SPECC1: variants seen among roughly 807,000 people sequenced by gnomAD.
SPECC1 encodes the protein cytospin-B.
In SPECC1, 62 loss-of-function variants were observed where a neutral mutation model predicts 104.1. The ratio of observed to expected loss-of-function variants is 0.60; its 90% confidence interval spans 0.49 to 0.74. The LOEUF (loss-of-function observed/expected upper bound fraction) is 0.74, where lower values mean the gene tolerates loss of function less well. Ranked by LOEUF, SPECC1 falls within the 30% of genes least tolerant of loss-of-function variation. SPECC1 has a pLI of 0.00. For synonymous variants in SPECC1, 513 were observed against 501.6 expected (o/e 1.02, Z -0.30); for missense variants, 1,306 against 1,310.5 (o/e 1.00, Z 0.05).
intron 4 of SPECC1, among the ~76,000 whole-genome samples, chr17:20,219,570 G>A (rs1462494161): frequency 6.6e-6 from 1 of 152,052 alleles, no homozygotes; most frequent in East Asian, 1.9e-4. Flanking sequence ...ATATATTCTG[G>A]TTATTAATTC....
chr17:20,292,882 A>G (rs2041220486), intron 12 of SPECC1, among the ~76,000 whole-genome samples: 1 of 152,208 alleles, frequency 6.6e-6, no homozygotes, highest in Non-Finnish European at 1.5e-5. Flanking sequence ...GCTTTCAGCT[A>G]GATACTCCTC....
Position 20,232,231 on chromosome 17 carries a change from C to T in SPECC1, c.2177C>T (p.Ala726Val), listed in dbSNP as rs200795652. 6.2e-6 allele frequency: 10 copies of T among 1,613,972 alleles called. No individual in the cohort carries two copies. In the African/African-American group the frequency reaches 8.0e-5, roughly 13 times the overall value. Reference protein sequence around the residue: ...EETEEWRRFQADLQTAVVVAN... With the variant: ...EETEEWRRFQVDLQTAVVVAN... The stretch of plus-strand genomic sequence containing the variant: ...ACCGAGGAATGGAGGCGGTTCCAGG[C>T]GGATCTGCAGACCGCAGTGGTGGTG... Residue 726 changes from alanine to valine, a missense_variant, in exon 7 of 15, where the codon GCG becomes GTG. Physicochemically the swap from Ala to Val is moderately conservative, Grantham distance 64 (BLOSUM62 0). Around this residue, in one of 2 missense-constraint regions of SPECC1, gnomAD observed 1,177 missense variants for 1,139.9 expected, o/e 1.03. Coordinates refer to ENST00000395527, the MANE Select transcript of SPECC1 (RefSeq NM_001243439.2).
chr17:20,287,253 G>A (rs976413360), intron 12 of SPECC1, among the ~76,000 whole-genome samples: 2 of 151,812 alleles, frequency 1.3e-5, no homozygotes, highest in Non-Finnish European at 2.9e-5. Context: ...CCGTCTCTAC[G>A]AAAAATACAA....
chr17:20,063,485 T>C (rs772169312), intron 1 of SPECC1, among the ~76,000 whole-genome samples: 69 of 152,254 alleles, frequency 4.5e-4, no homozygotes, highest in Admixed American at 1.2e-3. Flanking sequence ...CTTTTCATTT[T>C]ATTAATCTTC....
At chr17:20,104,753 A>G (rs1421750961) in intron 2 of SPECC1, among the ~76,000 whole-genome samples, 1 of 150,590 alleles carries the variant, frequency 6.6e-6, no homozygotes, top group Non-Finnish European at 1.5e-5. Context: ...AAAAAAAAAA[A>G]AAAAAAAAAA....
rs766995542 is a variant in SPECC1 at position 20,205,481 on chromosome 17, C to T, written c.1432C>T (p.Arg478Cys). Residue 478 changes from arginine to cysteine, a missense_variant, in exon 4 of 15, where the codon CGC (arginine) becomes TGC (cysteine). Transcript: ENST00000395527. ...QKCTGILEQG[R>C]FEREKLLNIQ... The stretch of plus-strand genomic sequence containing the variant: ...GTGCACAGGTATTCTTGAACAGGGC[C>T]GCTTTGAAAGAGAGAAGCTACTCAA... 1.8e-5 allele frequency: 29 copies of T among 1,613,910 alleles called. No homozygotes were observed. The highest frequency in any genetic ancestry group is 1.5e-4 in the Admixed American group (9 of 59,990).
chr17:20,239,890 T>G (rs999803726), intron 7 of SPECC1, among the ~76,000 whole-genome samples: 7 of 127,104 alleles, frequency 5.5e-5, no homozygotes, highest in African/African-American at 2.1e-4. Context: ...TTTTTTTTTT[T>G]TTTTTTTTTT....
chr17:20,214,665 G>A (rs903062344), intron 4 of SPECC1, among the ~76,000 whole-genome samples: 14 of 152,172 alleles, frequency 9.2e-5, no homozygotes, highest in African/African-American at 2.4e-4. Context: ...CTGCCACCAC[G>A]CCCAGCTAAC....
chr17:20,238,310 G>A, intron 7 of SPECC1: 2 of 1,040,170 alleles, frequency 1.9e-6, no homozygotes, highest in South Asian at 9.2e-5. Context: ...TCAAATCAGA[G>A]TGATACACAA....
At chr17:20,092,790 C>G (rs1021602844) in intron 1 of SPECC1, among the ~76,000 whole-genome samples, 4 of 152,212 alleles carry the variant, frequency 2.6e-5, no homozygotes, top group African/African-American at 9.6e-5. Flanking sequence ...GCACTGATAA[C>G]TCCATCTTAT....
At chr17:20,152,432 G>T (rs2032092010) in intron 3 of SPECC1, among the ~76,000 whole-genome samples, 1 of 152,058 alleles carries the variant, frequency 6.6e-6, no homozygotes, top group Non-Finnish European at 1.5e-5. Flanking sequence ...TTTAAAAGAT[G>T]ATATATATTA....
chr17:20,113,022 AT>A, intron 3 of SPECC1: 1 of 832,276 alleles, frequency 1.2e-6, no homozygotes, highest in Non-Finnish European at 2.1e-6. Flanking sequence ...CATGTACAAG[AT>A]GAAAATGTTT....
intron 1 of SPECC1, among the ~76,000 whole-genome samples, chr17:20,057,302 G>A (rs568664193): frequency 1.9e-4 from 29 of 152,208 alleles, no homozygotes; most frequent in South Asian, 4.1e-4. Context: ...GTAGCCGGGC[G>A]TGGTGGCGGG....
intron 2 of SPECC1, among the ~76,000 whole-genome samples, chr17:20,108,456 A>C (rs546239377): frequency 2.6e-5 from 4 of 152,294 alleles, no homozygotes; most frequent in Admixed American, 1.3e-4. Flanking sequence ...CAATATGTTG[A>C]ACGTTCCAGC....
chr17:20,170,526 A>AG (rs995767126), intron 3 of SPECC1, among the ~76,000 whole-genome samples: 2 of 152,170 alleles, frequency 1.3e-5, no homozygotes, highest in Non-Finnish European at 2.9e-5. Flanking sequence ...TGGAACTCCC[A>AG]GGGGGGTGCA....
Position 20,167,790 on chromosome 17 carries a change from G to T in SPECC1, c.284-36543G>T, listed in dbSNP as rs144343113. Among the ~76,000 whole-genome samples the T allele has an allele frequency of 1.8e-4, 28 of 152,280 alleles. No individual in the cohort carries two copies. The East Asian group carries it at 5.2e-3, about 28-fold the overall frequency. ...TTTCTGTGCTATTTAAAGTTATGTG[G>T]TATGTTTCCCAAAGATATTGGATAT... On this transcript the variant is annotated intron_variant, in intron 3 of 14. Transcript: ENST00000395527.
intron 1 of SPECC1, among the ~76,000 whole-genome samples, chr17:20,020,469 A>G (rs1045605541): frequency 5.9e-5 from 9 of 151,864 alleles, no homozygotes; most frequent in African/African-American, 2.2e-4. Flanking sequence ...CAGAGTAGCT[A>G]ACTACAGGCA....
chr17:20,231,353 GCT>G (rs1381491075), intron 5 of SPECC1, among the ~76,000 whole-genome samples: 1 of 152,208 alleles, frequency 6.6e-6, no homozygotes, highest in East Asian at 1.9e-4. Flanking sequence ...GCATTCATGT[GCT>G]CTGTTATGTG....
chr17:20,316,844 A>C lies in SPECC1; in HGVS notation c.*2779A>C, dbSNP rs1205176178. Reference sequence around the variant, plus strand: ...AGTGATTACGTGTAAATCATCTAGAACCAGCTCTGAGCAATGGCGTTGCGG... The same window carrying C: ...AGTGATTACGTGTAAATCATCTAGACCCAGCTCTGAGCAATGGCGTTGCGG... On this transcript the variant is annotated 3_prime_UTR_variant, in exon 15 of 15. Coordinates refer to ENST00000395527, the MANE Select transcript of SPECC1 (RefSeq NM_001243439.2). The C allele has an allele frequency of 9.5e-6, 2 of 210,198 alleles. No individual in the cohort carries two copies. Among genetic ancestry groups the C allele is most frequent in the Non-Finnish European group, 1.9e-5 (2 of 103,320 alleles). 13.0% of individuals were successfully genotyped at this position (210,198 alleles called of 1,614,324 possible).
Sources: gnomAD v4.1 joint callset for allele counts (sites outside exome capture counted in the v4.1 genomes callset) on GRCh38, gnomAD v4.1.1 for gene constraint, gnomAD v4.1.1 regional missense constraint, MANE v1.5 for transcripts, NCBI Gene and HGNC (gene_info 2026-07-23, HGNC 2026-07-21) for gene names.